The following OR1D2 variants were observed in gnomAD, a reference collection of about 807,000 sequenced individuals.
OR1D2 encodes olfactory receptor family 1 subfamily D member 2.
For missense variants in OR1D2, 357 were observed against 376.1 expected (o/e 0.95, Z 0.42); for synonymous variants, 157 against 153.9 (o/e 1.02, Z -0.15).
Position 3,092,609 on chromosome 17 carries a change from G to C in OR1D2, c.388C>G (p.Leu130Val). ...YDRYVAICCP[L>V]HYTTAMSPKL... is the part of the protein sequence containing the mutation. ...GGGCTCATGGCTGTGGTGTAGTGGA[G>C]GGGGCAGCAGATGGCCACATAGCGG... The change falls in exon 2 of 2, where the codon CTC becomes GTC. Residue 130 changes from leucine (L) to valine (V), a missense_variant. Coordinates refer to ENST00000641833, the MANE Select transcript of OR1D2 (RefSeq NM_002548.3). The C allele has an allele frequency of 6.2e-7, 1 of 1,614,028 alleles. No homozygotes were observed. The highest frequency in any genetic ancestry group is 8.5e-7 in the Non-Finnish European group (1 of 1,179,984).
Position 3,092,921 on chromosome 17 carries a change from T to A in OR1D2, c.76A>T (p.Ile26Phe), listed in dbSNP as rs1166899199. 1 of 1,613,776 alleles carries A rather than the reference T, an allele frequency of 6.2e-7. No individual in the cohort carries two copies. The highest frequency in any genetic ancestry group is 8.5e-7 in the Non-Finnish European group (1 of 1,179,934). ...ATGGACAGGAACATCCAAAACAGGA[T>A]CCGCTGCTGCTCAGGACTCTCTGAC... ...GMSESPEQQR[I>F]LFWMFLSMYL... Residue 26 changes from isoleucine (I) to phenylalanine (F), a missense_variant, in exon 2 of 2, where the codon ATC becomes TTC. Coordinates refer to ENST00000641833, the MANE Select transcript of OR1D2 (RefSeq NM_002548.3).
At chr17:3,101,427 G>A (rs1055175234) in intron 1 of OR1D2, among the ~76,000 whole-genome samples, 3 of 152,080 alleles carry the variant, frequency 2.0e-5, no homozygotes, top group Non-Finnish European at 2.9e-5. Flanking sequence ...ACAACCATAC[G>A]ATTATCTCAA....
In OR1D2 at chr17:3,092,527, A is replaced by G. The variant is rs769002025; in HGVS notation, c.470T>C (p.Leu157Pro). The G allele has an allele frequency of 1.2e-6, 2 of 1,614,172 alleles. No homozygotes were observed. The highest frequency in any genetic ancestry group is 1.7e-6 in the Non-Finnish European group (2 of 1,180,016). The change falls in exon 2 of 2, where the codon CTC (leucine) becomes CCC (proline). Residue 157 changes from leucine (L) to proline (P), a missense_variant. Leu to Pro is a moderately conservative substitution (Grantham distance 98, BLOSUM62 -3). Coordinates refer to ENST00000641833, the MANE Select transcript of OR1D2 (RefSeq NM_002548.3). ...LCWVLSVLYG[L>P]IHTLLMTRVT... The stretch of plus-strand genomic sequence containing the variant: ...TCTGGTCATGAGGAGGGTGTGTATG[A>G]GGCCATAGAGGACGGATAGGACCCA...
intron 1 of OR1D2, among the ~76,000 whole-genome samples, chr17:3,095,711 CTTG>C (rs1247253967): frequency 2.6e-5 from 4 of 151,432 alleles, no homozygotes; most frequent in Non-Finnish European, 5.9e-5. Context: ...TTCATATTTT[CTTG>C]TTTTTTCTTA....
In OR1D2 at chr17:3,092,964, C is replaced by T. The variant is rs779937231; in HGVS notation, c.33G>A (p.Glu11=). 4 of 1,613,992 alleles carry T rather than the reference C, an allele frequency of 2.5e-6. No homozygotes were observed. The highest frequency in any genetic ancestry group is 3.4e-6 in the Non-Finnish European group (4 of 1,179,980). ...TCTCTGACATCCCCAGGAGAAGGAACTCTGAACCTTCACTCTGGTTGCCTC... is the reference window on the plus strand; with the variant it reads ...TCTCTGACATCCCCAGGAGAAGGAATTCTGAACCTTCACTCTGGTTGCCTC... MDGGNQSEGS[E]FLLLGMSESP... is the part of the protein sequence containing the mutation. The change falls in exon 2 of 2, where the codon GAG becomes GAA. Residue 11 remains glutamate (E), a synonymous_variant. Transcript: ENST00000641833.
rs2047826400 is a variant in OR1D2 at position 3,093,176 on chromosome 17, A to AT, written c.-50-131dup. 3 of 633,050 alleles carry AT rather than the reference A, an allele frequency of 4.7e-6. No individual in the cohort carries two copies. In the Admixed American group the frequency reaches 9.0e-5, roughly 19 times the overall value. 39.2% of individuals were successfully genotyped at this position (633,050 alleles called of 1,614,324 possible). ...TATAACAAAGTTTTTATGCGATATAATTATTTCAGCTACTTCAAAGCTGGG... is the reference window on the plus strand; with the variant it reads ...TATAACAAAGTTTTTATGCGATATAATTTATTTCAGCTACTTCAAAGCTGGG... On this transcript the variant is annotated intron_variant, in intron 1 of 1. Coordinates refer to ENST00000641833, the MANE Select transcript of OR1D2 (RefSeq NM_002548.3).
intron 1 of OR1D2, among the ~76,000 whole-genome samples, chr17:3,103,196 T>C (rs2047882213): frequency 2.0e-5 from 3 of 152,222 alleles, no homozygotes; most frequent in South Asian, 2.1e-4. Context: ...CCCAGGGAAA[T>C]TGAGAAATTG....
At chr17:3,097,905 C>T (rs550783344) in intron 1 of OR1D2, among the ~76,000 whole-genome samples, 46 of 152,292 alleles carry the variant, frequency 3.0e-4, no homozygotes, top group Admixed American at 4.6e-4. Flanking sequence ...CCCCTATGGT[C>T]GACTGTGGCC....
intron 1 of OR1D2, among the ~76,000 whole-genome samples, chr17:3,094,506 C>G (rs1267225522): frequency 6.6e-6 from 1 of 152,024 alleles, no homozygotes; most frequent in Non-Finnish European, 1.5e-5. Context: ...ACTGTGGGAA[C>G]TAAGCAAATA....
intron 1 of OR1D2, among the ~76,000 whole-genome samples, chr17:3,096,290 T>A (rs1346017889): frequency 1.3e-5 from 2 of 152,190 alleles, no homozygotes; most frequent in African/African-American, 4.8e-5. Context: ...AGGCAGAGAC[T>A]GTCAGAGTGG....
In OR1D2 at chr17:3,092,529, G is replaced by T. The variant is rs1479778073; in HGVS notation, c.468C>A (p.Gly156=). 1.9e-6 allele frequency: 3 copies of T among 1,614,112 alleles called. No homozygotes were observed. Among genetic ancestry groups the T allele is most frequent in the Non-Finnish European group, 2.5e-6 (3 of 1,180,022 alleles). The part of the protein sequence containing the change: ...SLCWVLSVLY[G]LIHTLLMTRV... Reference sequence around the variant, plus strand: ...TGGTCATGAGGAGGGTGTGTATGAGGCCATAGAGGACGGATAGGACCCAAC... The same window carrying T: ...TGGTCATGAGGAGGGTGTGTATGAGTCCATAGAGGACGGATAGGACCCAAC... The change falls in exon 2 of 2, where the codon GGC becomes GGA. Residue 156 remains glycine, a synonymous_variant. Coordinates refer to ENST00000641833, the MANE Select transcript of OR1D2 (RefSeq NM_002548.3).
rs762514335 is a variant in OR1D2, at chr17:3,092,469, G to A, written c.528C>T (p.Tyr176=). 6.2e-7 allele frequency: 1 copy of A among 1,614,216 alleles called. No individual in the cohort carries two copies. The highest frequency in any genetic ancestry group is 1.1e-5 in the South Asian group (1 of 91,078). The change falls in exon 2 of 2, where the codon TAC becomes TAT. Residue 176 remains tyrosine (Y), a synonymous_variant. Transcript: ENST00000641833. ...GCAATACATACATCTCACAGAAGAT[G>A]TAGTGGATTTTTCGTGACCCACAGA... ...VTFCGSRKIH[Y]IFCEMYVLLR...
intron 1 of OR1D2, among the ~76,000 whole-genome samples, chr17:3,095,762 A>T (rs1403979064): frequency 2.0e-5 from 3 of 152,048 alleles, no homozygotes; most frequent in Non-Finnish European, 4.4e-5. Flanking sequence ...GATAATATGT[A>T]TATGATGTAT....
chr17:3,092,961 G>A lies in OR1D2; in HGVS notation c.36C>T (p.Phe12=). ...GACTCTCTGACATCCCCAGGAGAAG[G>A]AACTCTGAACCTTCACTCTGGTTGC... ...DGGNQSEGSE[F]LLLGMSESPE... The change falls in exon 2 of 2, where the codon TTC becomes TTT. Residue 12 remains phenylalanine, a synonymous_variant. Transcript: ENST00000641833. The A allele has an allele frequency of 6.2e-7, 1 of 1,613,814 alleles. No homozygotes were observed. The highest frequency in any genetic ancestry group is 8.5e-7 in the Non-Finnish European group (1 of 1,179,950).
At position 3,095,648 on chromosome 17, in the gene OR1D2, T is replaced by C. The variant is rs192455788; in HGVS notation, c.-50-2602A>G. On this transcript the variant is annotated intron_variant, in intron 1 of 1. Transcript: ENST00000641833. ...AATATGTAAATATATATTGATATAA[T>C]CTATATATCTATGTAATATTTTACA... Among the ~76,000 whole-genome samples the C allele has an allele frequency of 5.9e-3, 899 of 151,976 alleles. 6 individuals carry two copies. Among genetic ancestry groups the C allele is most frequent in the Non-Finnish European group, 9.5e-3 (642 of 67,906 alleles).
intron 1 of OR1D2, among the ~76,000 whole-genome samples, chr17:3,103,057 AC>A (rs2047881654): frequency 6.6e-6 from 1 of 152,104 alleles, no homozygotes; most frequent in Non-Finnish European, 1.5e-5. Context: ...ACACGGTATT[AC>A]AGGCTTCCCA....
intron 1 of OR1D2, among the ~76,000 whole-genome samples, chr17:3,102,472 C>T (rs370967547): frequency 8.5e-5 from 13 of 152,222 alleles, no homozygotes; most frequent in African/African-American, 9.6e-5. Flanking sequence ...TACATACCTA[C>T]GGTGCTATGT....
rs1349508752 is a variant in OR1D2 at position 3,104,374 on chromosome 17, T to A, written c.-326A>T. 1 of 152,114 alleles carries A rather than the reference T, an allele frequency of 6.6e-6. No individual in the cohort carries two copies. 9.4% of individuals were successfully genotyped at this position (152,114 alleles called of 1,614,324 possible). A position where few individuals can be genotyped will look rare whatever the true frequency, so the allele number is the denominator to read the frequency against. ...AACTGAGTCTTGGATCCTAGATTCA[T>A]GAAGAAACGGGATGAACAGGGAGCA... On this transcript the variant is annotated 5_prime_UTR_variant, in exon 1 of 2. The change abolishes an upstream ATG in the 5' untranslated region. Transcript: ENST00000641833.
intron 1 of OR1D2, among the ~76,000 whole-genome samples, chr17:3,103,533 A>T (rs1446120636): frequency 6.6e-6 from 1 of 152,162 alleles, no homozygotes; most frequent in East Asian, 1.9e-4. Flanking sequence ...GAAGTCCTGA[A>T]GTCTCTCTTG....
Sources: allele counts gnomAD v4.1 joint callset (sites outside exome capture counted in the v4.1 genomes callset), GRCh38; gene constraint gnomAD v4.1.1; transcripts MANE v1.5; gene names NCBI Gene and HGNC (gene_info 2026-07-23, HGNC 2026-07-21).